Variants in GALNT18 observed in about 807,000 individuals in gnomAD.
The protein encoded by GALNT18 is polypeptide N-acetylgalactosaminyltransferase 18.
In GALNT18, 44 loss-of-function variants were observed where a neutral mutation model predicts 69.5. The observed-to-expected ratio is 0.63, with a 90% CI of 0.50 to 0.81. The LOEUF is 0.81. GALNT18 is among the 40% of genes least tolerant of loss of function. The pLI, the probability that GALNT18 is intolerant of heterozygous loss-of-function variation, is 0.00. For synonymous variants in GALNT18, 364 were observed against 318.2 expected, an observed-to-expected ratio of 1.14 and a Z score of -1.53; for missense variants, 715 against 810.0, an observed-to-expected ratio of 0.88 and a Z score of 1.42.
chr11:11,377,465 G>A lies in GALNT18; in HGVS notation c.780-86C>T. On this transcript the variant is annotated intron_variant, in intron 4 of 10. Coordinates refer to ENST00000227756, the MANE Select transcript of GALNT18 (RefSeq NM_198516.3). This position sits in a 1 kb window ranked among gnomAD's most constrained non-coding sequence, Gnocchi z 4.6. ...AGCATCTCCTGAAGGTCCTTCCCCA[G>A]CAGAAAGAGGAAGGAAGGCCTGCCC... 8.3e-7 allele frequency: 1 copy of A among 1,204,566 alleles called. No homozygotes were observed. The highest frequency in any genetic ancestry group is 1.2e-6 in the Non-Finnish European group (1 of 826,248). 74.6% of individuals were successfully genotyped at this position (1,204,566 alleles called of 1,614,324 possible). A position where few individuals can be genotyped will look rare whatever the true frequency, so the allele number is the denominator to read the frequency against.
At chr11:11,485,667 G>C (rs546592990) in intron 1 of GALNT18, among the ~76,000 whole-genome samples, 1 of 152,162 alleles carries the variant, frequency 6.6e-6, no homozygotes, top group Non-Finnish European at 1.5e-5. Context: ...CCCAGGACCA[G>C]GGCACCAACT....
At position 11,542,200 on chromosome 11, in the gene GALNT18, T is replaced by C. The variant is rs1857945442; in HGVS notation, c.235+79159A>G. On this transcript the variant is annotated intron_variant, in intron 1 of 10. Transcript: ENST00000227756. This position sits in a 1 kb window ranked among gnomAD's most constrained non-coding sequence, Gnocchi z 4.3. ...ACTTTGCCCAAAGGCTGTGGCTGCG[T>C]CTTAGAAAGCAAAGCAAAACAAAAC... 6.6e-6 allele frequency among the ~76,000 whole-genome samples: 1 copy of C among 152,112 alleles called. No homozygotes were observed. Among genetic ancestry groups the C allele is most frequent in the African/African-American group, 2.4e-5 (1 of 41,428 alleles).
At position 11,538,670 on chromosome 11, in the gene GALNT18, C is replaced by T. The variant is rs892287131; in HGVS notation, c.235+82689G>A. ...GTCCTCCCTTCCTAGAGGTGCCTCCCGGAGCTCTGGTTTCCCAGTCAGTAA... is the reference window on the plus strand; with the variant it reads ...GTCCTCCCTTCCTAGAGGTGCCTCCTGGAGCTCTGGTTTCCCAGTCAGTAA... On this transcript the variant is annotated intron_variant, in intron 1 of 10. Transcript: ENST00000227756. The surrounding 1 kb of genome is among the most constrained non-coding windows in gnomAD (Gnocchi z 5.2). 2.0e-5 allele frequency among the ~76,000 whole-genome samples: 3 copies of T among 152,180 alleles called. No homozygotes were observed. The highest frequency in any genetic ancestry group is 2.1e-4 in the South Asian group (1 of 4,830).
intron 1 of GALNT18, among the ~76,000 whole-genome samples, chr11:11,455,598 C>T (rs977283130): frequency 3.9e-5 from 6 of 152,182 alleles, no homozygotes; most frequent in East Asian, 3.8e-4. Flanking sequence ...CTGTACAGAT[C>T]GGAAACCAAG....
intron 1 of GALNT18, among the ~76,000 whole-genome samples, chr11:11,589,518 T>G (rs77312066): frequency 0.024 from 3,710 of 152,034 alleles, 157 homozygotes; most frequent in African/African-American, 0.085. Flanking sequence ...TGTTCAGCAG[T>G]CGTGGGAAAC....
At chr11:11,329,841 C>T (rs1295886211) in intron 8 of GALNT18, among the ~76,000 whole-genome samples, 1 of 152,142 alleles carries the variant, frequency 6.6e-6, no homozygotes, top group Non-Finnish European at 1.5e-5. Context: ...CTGTCAGACT[C>T]CAAAACCCAA....
Position 11,497,750 on chromosome 11 carries a change from C to CTA in GALNT18, c.236-48816_236-48815dup, listed in dbSNP as rs56791321. 0.64 allele frequency among the ~76,000 whole-genome samples: 92,417 copies of CTA among 144,692 alleles called. 29,467 individuals are homozygous for CTA. The highest frequency in any genetic ancestry group is 0.75 in the East Asian group (3,685 of 4,902). The allele number at this position is 144,692 out of a possible 152,430, so 94.9% of individuals were successfully genotyped here. A position where few individuals can be genotyped will look rare whatever the true frequency, so the allele number is the denominator to read the frequency against. ...ATGTGTATGTGCATATACATATTTT[C>CTA]TATATATATATATATATACACACAC... On this transcript the variant is annotated intron_variant, in intron 1 of 10. Transcript: ENST00000227756. This position sits in a 1 kb window ranked among gnomAD's most constrained non-coding sequence, Gnocchi z 4.2.
At chr11:11,550,120 T>G (rs942020707) in intron 1 of GALNT18, among the ~76,000 whole-genome samples, 1 of 152,160 alleles carries the variant, frequency 6.6e-6, no homozygotes, top group Non-Finnish European at 1.5e-5. Context: ...AACCAATGCA[T>G]CCAGTAGGCA....
intron 9 of GALNT18, among the ~76,000 whole-genome samples, chr11:11,304,661 C>T (rs1849550136): frequency 6.6e-6 from 1 of 152,238 alleles, no homozygotes; most frequent in Non-Finnish European, 1.5e-5. Flanking sequence ...TCTCTGCCCT[C>T]TCCTATGATG....
chr11:11,335,602 G>A (rs1045755675), intron 7 of GALNT18, among the ~76,000 whole-genome samples: 9 of 152,178 alleles, frequency 5.9e-5, no homozygotes, highest in Non-Finnish European at 1.3e-4. Context: ...TGGAACCAGG[G>A]TCTTTGCAGA....
At chr11:11,474,195 G>T (rs146656751) in intron 1 of GALNT18, among the ~76,000 whole-genome samples, 232 of 152,358 alleles carry the variant, frequency 1.5e-3, no homozygotes, top group Non-Finnish European at 2.6e-3. Flanking sequence ...TGCTGCTTTA[G>T]ATAGAGTGGT....
intron 9 of GALNT18, among the ~76,000 whole-genome samples, chr11:11,298,557 G>A (rs4612800): frequency 0.22 from 33,324 of 152,072 alleles, 3,740 homozygotes; most frequent in East Asian, 0.29. Flanking sequence ...AGCTGCAGCT[G>A]CCCAGGCCCG....
At chr11:11,331,029 T>C (rs1850009123) in intron 8 of GALNT18, among the ~76,000 whole-genome samples, 1 of 152,174 alleles carries the variant, frequency 6.6e-6, no homozygotes, top group Admixed American at 6.5e-5. Flanking sequence ...GGTTCACCCA[T>C]GGCCAAGCAG....
In GALNT18 at chr11:11,374,129, G is replaced by A. The variant is rs116303439; in HGVS notation, c.978-1500C>T. Among the ~76,000 whole-genome samples, 728 of 152,252 alleles carry A rather than the reference G, an allele frequency of 4.8e-3. 4 individuals carry two copies. The highest frequency in any genetic ancestry group is 0.017 in the African/African-American group (699 of 41,548). On this transcript the variant is annotated intron_variant, in intron 5 of 10. Transcript: ENST00000227756. ...ATGGCTTCACCCTCACAGACCTGCA[G>A]GCATCCTGGGAAGCTAATCCACCAC...
intron 6 of GALNT18, among the ~76,000 whole-genome samples, chr11:11,360,275 G>T (rs566132356): frequency 6.6e-6 from 1 of 152,322 alleles, no homozygotes; most frequent in African/African-American, 2.4e-5. Context: ...CCTGTGTGAA[G>T]CCCCACCTAA....
chr11:11,433,074 T>A (rs1207741448), intron 2 of GALNT18, among the ~76,000 whole-genome samples: 1 of 152,244 alleles, frequency 6.6e-6, no homozygotes, highest in African/African-American at 2.4e-5. Flanking sequence ...TGGCAGGTAG[T>A]CCCTGATTGT....
At chr11:11,557,992 T>C (rs1410998225) in intron 1 of GALNT18, among the ~76,000 whole-genome samples, 2 of 152,186 alleles carry the variant, frequency 1.3e-5, no homozygotes, top group Admixed American at 6.5e-5. Flanking sequence ...AGTGGAACTG[T>C]ATGATGGAAA....
At chr11:11,411,579 G>A (rs971549011) in intron 3 of GALNT18, among the ~76,000 whole-genome samples, 1 of 152,210 alleles carries the variant, frequency 6.6e-6, no homozygotes, top group African/African-American at 2.4e-5. Flanking sequence ...GCCAACTGGG[G>A]CAGACGGCCA....
rs1854074906 is a variant in GALNT18, at chr11:11,387,046, T to G, written c.596-7782A>C. ...TTACAACTGAAATACAAAGGTGGGC[T>G]TTATAACGGAGTACAAAAAGGCACC... On this transcript the variant is annotated intron_variant, in intron 3 of 10. Coordinates refer to ENST00000227756, the MANE Select transcript of GALNT18 (RefSeq NM_198516.3). The surrounding 1 kb of genome is among the most constrained non-coding windows in gnomAD (Gnocchi z 4.6). 6.6e-6 allele frequency among the ~76,000 whole-genome samples: 1 copy of G among 152,198 alleles called. No individual in the cohort carries two copies. The highest frequency in any genetic ancestry group is 2.1e-4 in the South Asian group (1 of 4,826).
Sources: gnomAD v4.1 joint callset for allele counts (sites outside exome capture counted in the v4.1 genomes callset) on GRCh38, gnomAD v4.1.1 for gene constraint, Gnocchi (gnomAD v3.1) non-coding constraint, MANE v1.5 for transcripts, NCBI Gene and HGNC (gene_info 2026-07-23, HGNC 2026-07-21) for gene names.